The following LRRC4C variants were observed in gnomAD, a reference collection of about 807,000 sequenced individuals.
LRRC4C encodes the protein leucine-rich repeat-containing protein 4C.
Under a neutral mutation model 33.6 loss-of-function variants are expected in LRRC4C, and 5 were observed. The observed-to-expected ratio is 0.15, with a 90% CI of 0.08 to 0.31. The LOEUF is 0.31. Among genes scored for constraint, LRRC4C ranks in the 10% least tolerant of loss-of-function variants. LRRC4C has a pLI of 1.00. For missense variants in LRRC4C, 560 were observed against 796.7 expected (o/e 0.70, Z 3.58); for synonymous variants, 329 against 302.0 (o/e 1.09, Z -0.93).
chr11:41,257,846 A>G (rs941018848), intron 1 of LRRC4C, among the ~76,000 whole-genome samples: 1 of 152,068 alleles, frequency 6.6e-6, no homozygotes, highest in South Asian at 2.1e-4. Context: ...TTTCATGAAA[A>G]TTTACCAATC....
At chr11:40,350,995 A>C (rs1286830695) in intron 3 of LRRC4C, among the ~76,000 whole-genome samples, 1 of 151,988 alleles carries the variant, frequency 6.6e-6, no homozygotes, top group Non-Finnish European at 1.5e-5. Context: ...TGGAGTTTTC[A>C]AATTTTTCCA....
chr11:40,408,951 G>A (rs540441512), intron 3 of LRRC4C, among the ~76,000 whole-genome samples: 9 of 151,856 alleles, frequency 5.9e-5, no homozygotes, highest in Non-Finnish European at 7.4e-5. Flanking sequence ...AATAGCCAAA[G>A]CAATCTTAAG....
chr11:40,499,135 C>A (rs1954616989), intron 3 of LRRC4C, among the ~76,000 whole-genome samples: 1 of 152,146 alleles, frequency 6.6e-6, no homozygotes, highest in African/African-American at 2.4e-5. Flanking sequence ...AGCCTCCCTG[C>A]TGGAGAGAGG....
At chr11:41,088,440 A>G (rs1235781850) in intron 1 of LRRC4C, among the ~76,000 whole-genome samples, 2 of 132,332 alleles carry the variant, frequency 1.5e-5, no homozygotes. Context: ...ATTATTATTA[A>G]CCTCATTGGT....
At chr11:40,311,917 C>A (rs1158305753) in intron 4 of LRRC4C, among the ~76,000 whole-genome samples, 1 of 146,906 alleles carries the variant, frequency 6.8e-6, no homozygotes, top group African/African-American at 2.5e-5. Context: ...TGCACTCCAG[C>A]CTGGAGACAG....
intron 2 of LRRC4C, among the ~76,000 whole-genome samples, chr11:40,872,024 A>G (rs992239866): frequency 6.6e-6 from 1 of 152,156 alleles, no homozygotes; most frequent in African/African-American, 2.4e-5. Flanking sequence ...AGCATTGGTC[A>G]GGCAGGCATA....
intron 2 of LRRC4C, among the ~76,000 whole-genome samples, chr11:40,912,485 C>T (rs1457791661): frequency 6.6e-6 from 1 of 152,118 alleles, no homozygotes; most frequent in Admixed American, 6.5e-5. Context: ...CCTTTACAGA[C>T]AAGCAAATGC....
At chr11:40,467,047 G>A (rs1952686458) in intron 3 of LRRC4C, among the ~76,000 whole-genome samples, 1 of 152,126 alleles carries the variant, frequency 6.6e-6, no homozygotes, top group Admixed American at 6.5e-5. Flanking sequence ...CAGCCTCAGT[G>A]TCATTACTGA....
intron 4 of LRRC4C, among the ~76,000 whole-genome samples, chr11:40,255,152 A>T (rs1487846453): frequency 6.6e-6 from 1 of 152,104 alleles, no homozygotes; most frequent in Non-Finnish European, 1.5e-5. Context: ...GTCCCAGTCA[A>T]TCAGGGAGGA....
At chr11:40,808,141 G>A (rs1183510815) in intron 2 of LRRC4C, among the ~76,000 whole-genome samples, 1 of 151,964 alleles carries the variant, frequency 6.6e-6, no homozygotes, top group African/African-American at 2.4e-5. Flanking sequence ...AGTAAGAAAT[G>A]TAGTAAAATT....
At chr11:41,195,212 T>C (rs530798746) in intron 1 of LRRC4C, among the ~76,000 whole-genome samples, 1 of 152,254 alleles carries the variant, frequency 6.6e-6, no homozygotes, top group African/African-American at 2.4e-5. Flanking sequence ...ACACTGTGTG[T>C]GCATGCCCTT....
chr11:40,483,949 C>T lies in LRRC4C; in HGVS notation c.-270+164193G>A, dbSNP rs530434402. On this transcript the variant is annotated intron_variant, in intron 3 of 6. Transcript: ENST00000528697. ...CAATTCACTGTAAAACAAATGTCCC[C>T]CAAATGTATAAAATGACCCCTGACT... Among the ~76,000 whole-genome samples the T allele has an allele frequency of 3.3e-5, 5 of 151,816 alleles. No individual in the cohort carries two copies. The South Asian group carries it at 1.0e-3, about 32-fold the overall frequency.
At chr11:40,341,699 C>CA (rs1946875682) in intron 3 of LRRC4C, among the ~76,000 whole-genome samples, 1 of 152,092 alleles carries the variant, frequency 6.6e-6, no homozygotes, top group Non-Finnish European at 1.5e-5. Flanking sequence ...AAAAAACTTT[C>CA]AAATTGATAT....
chr11:40,660,471 A>G (rs1474948909), intron 2 of LRRC4C, among the ~76,000 whole-genome samples: 1 of 152,240 alleles, frequency 6.6e-6, no homozygotes, highest in Non-Finnish European at 1.5e-5. Context: ...TTATTAATGC[A>G]TGGTTATAAA....
intron 2 of LRRC4C, among the ~76,000 whole-genome samples, chr11:40,796,328 G>T (rs1168268050): frequency 6.6e-6 from 1 of 152,168 alleles, no homozygotes; most frequent in African/African-American, 2.4e-5. Flanking sequence ...ACATGTCAAA[G>T]TTCGTGGTGC....
chr11:40,688,318 T>A (rs1272843103), intron 2 of LRRC4C, among the ~76,000 whole-genome samples: 1 of 152,114 alleles, frequency 6.6e-6, no homozygotes, highest in Non-Finnish European at 1.5e-5. Context: ...CCTTGTTAGC[T>A]TTACCTGTGA....
chr11:41,281,296 C>T lies in LRRC4C; in HGVS notation c.-496+178135G>A, dbSNP rs1460929466. On this transcript the variant is annotated intron_variant, in intron 1 of 6. Transcript: ENST00000528697. ...AGAAATGAGATAGTAAATTTCTGCC[C>T]GCATCACACTCTGTGTCTTCTCTGA... Among the ~76,000 whole-genome samples the T allele has an allele frequency of 3.3e-5, 5 of 152,166 alleles. No individual in the cohort carries two copies. The East Asian group carries it at 5.8e-4, about 18-fold the overall frequency.
chr11:41,278,083 C>T (rs926346158), intron 1 of LRRC4C, among the ~76,000 whole-genome samples: 5 of 152,028 alleles, frequency 3.3e-5, no homozygotes, highest in African/African-American at 1.2e-4. Flanking sequence ...TGCATAATTA[C>T]AGTTAGATAG....
At chr11:40,604,041 G>A (rs1369683531) in intron 3 of LRRC4C, among the ~76,000 whole-genome samples, 4 of 152,072 alleles carry the variant, frequency 2.6e-5, no homozygotes, top group Non-Finnish European at 4.4e-5. Flanking sequence ...ATATTTGTAT[G>A]TTACAGCTTA....
Sources: allele counts gnomAD v4.1 joint callset (sites outside exome capture counted in the v4.1 genomes callset), GRCh38; gene constraint gnomAD v4.1.1; transcripts MANE v1.5; gene names NCBI Gene and HGNC (gene_info 2026-07-23, HGNC 2026-07-21).